The following ATP2A3 variants were observed in gnomAD, a reference collection of about 807,000 sequenced individuals.
ATP2A3 encodes ATPase sarcoplasmic/endoplasmic reticulum Ca2+ transporting 3, also known as sarcoplasmic/endoplasmic reticulum calcium ATPase 3.
Under a neutral mutation model 106.8 loss-of-function variants are expected in ATP2A3, and 61 were observed. The ratio of observed to expected loss-of-function variants is 0.57; its 90% confidence interval spans 0.46 to 0.71. The LOEUF is 0.71. Among genes scored for constraint, ATP2A3 ranks in the 30% least tolerant of loss-of-function variants. The pLI, the probability that ATP2A3 is intolerant of heterozygous loss-of-function variation, is 0.00. For synonymous variants in ATP2A3, 611 were observed against 609.3 expected (o/e 1.00, Z -0.04); for missense variants, 1,201 against 1,423.5 (o/e 0.84, Z 2.52).
Position 3,953,273 on chromosome 17 carries a change from C to A in ATP2A3, c.219+74G>T. 6.6e-7 allele frequency: 1 copy of A among 1,525,072 alleles called. No individual in the cohort carries two copies. Among genetic ancestry groups the A allele is most frequent in the Non-Finnish European group, 9.1e-7 (1 of 1,100,016 alleles). The allele number at this position is 1,525,072 out of a possible 1,614,324, so 94.5% of individuals were successfully genotyped here. A position where few individuals can be genotyped will look rare whatever the true frequency, so the allele number is the denominator to read the frequency against. On this transcript the variant is annotated intron_variant, in intron 3 of 20. Transcript: ENST00000397041. The surrounding 1 kb of genome is among the most constrained non-coding windows in gnomAD (Gnocchi z 5.1). Reference sequence around the variant, plus strand: ...AGGACAGGCCCAGGCTCCAGGACCTCGGAGCACTGCCCAGCCTGGCTCTCC... The same window carrying A: ...AGGACAGGCCCAGGCTCCAGGACCTAGGAGCACTGCCCAGCCTGGCTCTCC...
Position 3,963,327 on chromosome 17 carries a change from G to A in ATP2A3, c.118+847C>T, listed in dbSNP as rs113507721. Among the ~76,000 whole-genome samples, 121 of 152,370 alleles carry A rather than the reference G, an allele frequency of 7.9e-4. 1 individual carries two copies. The highest frequency in any genetic ancestry group is 2.7e-3 in the African/African-American group (112 of 41,588). On this transcript the variant is annotated intron_variant, in intron 1 of 20. Coordinates refer to ENST00000397041, the MANE Select transcript of ATP2A3 (RefSeq NM_005173.4). ...GCCCGATGCTGCGGGCATGAGCAAG[G>A]GGGTGGCAGGTCCTGCCTGGAAGGG...
At chr17:3,927,063 C>A in intron 20 of ATP2A3, 1 of 985,474 alleles carries the variant, frequency 1.0e-6, no homozygotes, top group African/African-American at 1.7e-5. Context: ...TCACCCAGCC[C>A]TGTTCCACCA....
chr17:3,962,217 A>G (rs2055178839), intron 1 of ATP2A3, among the ~76,000 whole-genome samples: 1 of 152,180 alleles, frequency 6.6e-6, no homozygotes, highest in Admixed American at 6.5e-5. Flanking sequence ...CAGATGGGGA[A>G]ACTGAGGCCC....
intron 14 of ATP2A3, among the ~76,000 whole-genome samples, chr17:3,939,919 C>T (rs574266337): frequency 6.8e-6 from 1 of 147,862 alleles, no homozygotes; most frequent in Non-Finnish European, 1.5e-5. Flanking sequence ...AGATAAAACT[C>T]ATATACGGTG....
Position 3,953,828 on chromosome 17 carries a change from G to A in ATP2A3, c.119-118C>T, listed in dbSNP as rs894941915. 16 of 1,098,664 alleles carry A rather than the reference G, an allele frequency of 1.5e-5. No individual in the cohort carries two copies. Among genetic ancestry groups the A allele is most frequent in the Middle Eastern group, 2.5e-4 (1 of 3,938 alleles). 68.1% of individuals were successfully genotyped at this position (1,098,664 alleles called of 1,614,324 possible). A position where few individuals can be genotyped will look rare whatever the true frequency, so the allele number is the denominator to read the frequency against. ...CCGTGCCCGCCCAGACCCCCACCAC[G>A]GACTGGATGTATCCCCAGGGCTCTC... On this transcript the variant is annotated intron_variant, in intron 1 of 20. Transcript: ENST00000397041. The surrounding 1 kb of genome is among the most constrained non-coding windows in gnomAD (Gnocchi z 5.1).
chr17:3,957,440 G>A (rs1312832774), intron 1 of ATP2A3, among the ~76,000 whole-genome samples: 4 of 152,196 alleles, frequency 2.6e-5, no homozygotes, highest in Non-Finnish European at 5.9e-5. Flanking sequence ...CCCATGTCCT[G>A]ACCGTTGGGC....
At chr17:3,933,034 C>A (rs963425339) in intron 17 of ATP2A3, among the ~76,000 whole-genome samples, 7 of 151,778 alleles carry the variant, frequency 4.6e-5, no homozygotes. Context: ...GTATTCCCAG[C>A]ACTTTGGGAG....
intron 10 of ATP2A3, among the ~76,000 whole-genome samples, 161 bp downstream of exon 10, chr17:3,944,543 G>C (rs1488418668): frequency 6.6e-6 from 1 of 152,144 alleles, no homozygotes; most frequent in Non-Finnish European, 1.5e-5. Flanking sequence ...TCTGCGGAAA[G>C]GGAGGGGCGG....
chr17:3,936,877 A>G lies in ATP2A3; in HGVS notation c.2322-408T>C. 6.1e-6 allele frequency: 2 copies of G among 329,888 alleles called. No individual in the cohort carries two copies. The highest frequency in any genetic ancestry group is 2.1e-5 in the African/African-American group (1 of 46,932). 20.4% of individuals were successfully genotyped at this position (329,888 alleles called of 1,614,324 possible). Reference sequence around the variant, plus strand: ...CCTGAGGTGCAGAGATGCAGAATCCATCCATGTCCAGCAACACACACGCTC... The same window carrying G: ...CCTGAGGTGCAGAGATGCAGAATCCGTCCATGTCCAGCAACACACACGCTC... On this transcript the variant is annotated intron_variant, in intron 15 of 20. Coordinates refer to ENST00000397041, the MANE Select transcript of ATP2A3 (RefSeq NM_005173.4). The surrounding 1 kb of genome is among the most constrained non-coding windows in gnomAD (Gnocchi z 5.4).
In ATP2A3 at chr17:3,953,140, G is replaced by A. The variant is rs780255907; in HGVS notation, c.219+207C>T. On this transcript the variant is annotated intron_variant, in intron 3 of 20. Coordinates refer to ENST00000397041, the MANE Select transcript of ATP2A3 (RefSeq NM_005173.4). The surrounding 1 kb of genome is among the most constrained non-coding windows in gnomAD (Gnocchi z 5.1). ...AGGATAAGATGGATTGGAGGGGTCA[G>A]GTGGGAGCCGGGGACCCAATGTAGG... 2 of 620,460 alleles carry A rather than the reference G, an allele frequency of 3.2e-6. No homozygotes were observed. The highest frequency in any genetic ancestry group is 2.9e-6 in the Non-Finnish European group (1 of 345,644). 38.4% of individuals were successfully genotyped at this position (620,460 alleles called of 1,614,324 possible).
rs1022458812 is a variant in ATP2A3 at position 3,941,481 on chromosome 17, C to T, written c.1719G>A (p.Lys573=). 6.8e-6 allele frequency: 11 copies of T among 1,613,910 alleles called. No individual in the cohort carries two copies. Among genetic ancestry groups the T allele is most frequent in the Non-Finnish European group, 9.3e-6 (11 of 1,179,860 alleles). Residue 573 remains lysine, a synonymous_variant, in exon 13 of 21, where the codon AAG becomes AAA. Coordinates refer to ENST00000397041, the MANE Select transcript of ATP2A3 (RefSeq NM_005173.4). Reference sequence around the variant, plus strand: ...TGCAGTCGTCCAGCTCCATGTCCTCCTTCCTTGGGGGCGCGTCCCGGGTGG... The same window carrying T: ...TGCAGTCGTCCAGCTCCATGTCCTCTTTCCTTGGGGGCGCGTCCCGGGTGG... The part of the protein sequence containing the change: ...ALATRDAPPR[K]EDMELDDCSK...
Position 3,940,982 on chromosome 17 carries a change from T to A in ATP2A3, c.2089A>T (p.Ile697Phe), listed in dbSNP as rs769265009. The change falls in exon 14 of 21, where the codon ATC (isoleucine) becomes TTC (phenylalanine). Residue 697 changes from isoleucine to phenylalanine, a missense_variant. This residue lies in a region of ATP2A3 where 935 missense variants were observed against 1,176.7 expected (regional missense o/e 0.79). Coordinates refer to ENST00000397041, the MANE Select transcript of ATP2A3 (RefSeq NM_005173.4). ...GGCTGTGGCCTCACCATAGCAGTGA[T>A]CTCGTTAAAGGACTGCAGGTTCTCC... Reference protein sequence around the residue: ...IVENLQSFNEITAMTGDGVND... With the variant: ...IVENLQSFNEFTAMTGDGVND... The A allele has an allele frequency of 6.2e-7, 1 of 1,613,924 alleles. No individual in the cohort carries two copies. The highest frequency in any genetic ancestry group is 8.5e-7 in the Non-Finnish European group (1 of 1,179,846).
Position 3,937,407 on chromosome 17 carries a change from C to T in ATP2A3, c.2321+9G>A, listed in dbSNP as rs959692958. 3.7e-6 allele frequency: 6 copies of T among 1,611,686 alleles called. No homozygotes were observed. Among genetic ancestry groups the T allele is most frequent in the Middle Eastern group, 1.7e-4 (1 of 5,944 alleles). Reference sequence around the variant, plus strand: ...GAGAGGGCTGAGAGGAGGGAAGGCCCGGCCTCACCAGACGACCTCGCCAAC... The same window carrying T: ...GAGAGGGCTGAGAGGAGGGAAGGCCTGGCCTCACCAGACGACCTCGCCAAC... On this transcript the variant is annotated intron_variant, in intron 15 of 20. Coordinates refer to ENST00000397041, the MANE Select transcript of ATP2A3 (RefSeq NM_005173.4).
chr17:3,945,468 C>A (rs1186668040), intron 8 of ATP2A3: 3 of 269,396 alleles, frequency 1.1e-5, no homozygotes, highest in East Asian at 1.4e-4. Context: ...TGGGTCCTTG[C>A]CCATCTCACT....
intron 1 of ATP2A3, among the ~76,000 whole-genome samples, chr17:3,957,443 C>T (rs182678376): frequency 1.3e-5 from 2 of 152,304 alleles, no homozygotes; most frequent in East Asian, 1.9e-4. Context: ...ATGTCCTGAC[C>T]GTTGGGCTGG....
rs756369355 is a variant in ATP2A3 at position 3,936,423 on chromosome 17, C to G, written c.2368G>C (p.Val790Leu). Residue 790 changes from valine (V) to leucine (L), a missense_variant, in exon 16 of 21, where the codon GTG (valine) becomes CTG (leucine). Physicochemically the swap from Val to Leu is conservative, Grantham distance 32 (BLOSUM62 1). This residue lies in a region of ATP2A3 where 935 missense variants were observed against 1,176.7 expected (regional missense o/e 0.79). Coordinates refer to ENST00000397041, the MANE Select transcript of ATP2A3 (RefSeq NM_005173.4). This position sits in a 1 kb window ranked among gnomAD's most constrained non-coding sequence, Gnocchi z 5.4. ...ACCAGGTTCACCCAGAGCAGCTGCA[C>G]AGGGATCAGGGCTTCGGGCAGGCCC... The part of the protein sequence containing the change: ...ILGLPEALIP[V>L]QLLWVNLVTD... 1 of 1,614,098 alleles carries G rather than the reference C, an allele frequency of 6.2e-7. No individual in the cohort carries two copies. Among genetic ancestry groups the G allele is most frequent in the South Asian group, 1.1e-5 (1 of 91,078 alleles).
intron 1 of ATP2A3, among the ~76,000 whole-genome samples, chr17:3,959,041 G>A (rs1567727451): frequency 2.6e-5 from 4 of 151,582 alleles, no homozygotes; most frequent in Admixed American, 2.0e-4. Context: ...ACAGGCGCCT[G>A]CCACCATGCC....
chr17:3,935,130 C>T, intron 17 of ATP2A3, 62 bp downstream of exon 17: 1 of 1,558,546 alleles, frequency 6.4e-7, no homozygotes, highest in Non-Finnish European at 8.8e-7. Flanking sequence ...GACCCATCTC[C>T]CCTGGAACTC....
Position 3,936,721 on chromosome 17 carries a change from TACACACACACAC to T in ATP2A3, c.2322-264_2322-253del, listed in dbSNP as rs57648128. 33 of 408,354 alleles carry T rather than the reference TACACACACACAC, an allele frequency of 8.1e-5. No homozygotes were observed. Among genetic ancestry groups the T allele is most frequent in the South Asian group, 1.2e-4 (5 of 41,950 alleles). The allele number at this position is 408,354 out of a possible 1,614,324, so 25.3% of individuals were successfully genotyped here. ...CTCTTTAGGCCTAGCAGAGGCCAAG[TACACACACACAC>T]ACACACACACACACACACACACGCA... is the stretch of plus-strand genomic sequence containing the variant. On this transcript the variant is annotated intron_variant, in intron 15 of 20. Coordinates refer to ENST00000397041, the MANE Select transcript of ATP2A3 (RefSeq NM_005173.4). This position sits in a 1 kb window ranked among gnomAD's most constrained non-coding sequence, Gnocchi z 5.4.
Sources: allele counts gnomAD v4.1 joint callset (sites outside exome capture counted in the v4.1 genomes callset), GRCh38; gene constraint gnomAD v4.1.1; regional missense constraint gnomAD v4.1.1; non-coding constraint Gnocchi (gnomAD v3.1); transcripts MANE v1.5; gene names NCBI Gene and HGNC (gene_info 2026-07-23, HGNC 2026-07-21).